Variants in LRCH3 observed in about 807,000 individuals in gnomAD.
LRCH3 encodes leucine rich repeats and calponin homology domain containing 3, also known as DISP complex protein LRCH3.
Under a neutral mutation model 104.5 loss-of-function variants are expected in LRCH3, and 68 were observed. The observed-to-expected ratio is 0.65, with a 90% CI of 0.54 to 0.80. The LOEUF is 0.80. Among genes scored for constraint, LRCH3 ranks in the 30% least tolerant of loss-of-function variants. The pLI, the probability that LRCH3 is intolerant of heterozygous loss-of-function variation, is 0.00. For synonymous variants in LRCH3, 344 were observed against 361.3 expected (o/e 0.95, Z 0.54); for missense variants, 951 against 953.9 (o/e 1.00, Z 0.04).
chr3:197,808,611 T>C (rs116058984), intron 1 of LRCH3, among the ~76,000 whole-genome samples: 1,648 of 152,284 alleles, frequency 0.011, 26 homozygotes, highest in African/African-American at 0.037. Flanking sequence ...GTCTTTCTTT[T>C]AGTGATTGGA....
intron 10 of LRCH3, 93 bp downstream of exon 10, chr3:197,839,490 AT>A: frequency 1.5e-6 from 1 of 680,672 alleles, no homozygotes. Context: ...TGTAATAAAG[AT>A]GTTTACATGG....
chr3:197,836,009 G>T (rs1456727433), intron 9 of LRCH3, among the ~76,000 whole-genome samples, 187 bp downstream of exon 9: 1 of 152,176 alleles, frequency 6.6e-6, no homozygotes, highest in Non-Finnish European at 1.5e-5. Flanking sequence ...CCTCAAGTAG[G>T]CTTTAGGTTT....
chr3:197,808,501 C>G (rs1732752364), intron 1 of LRCH3, among the ~76,000 whole-genome samples: 2 of 152,160 alleles, frequency 1.3e-5, no homozygotes. Flanking sequence ...ACATCTGCTG[C>G]TACAGACTCT....
At chr3:197,807,183 T>C (rs1185459736) in intron 1 of LRCH3, among the ~76,000 whole-genome samples, 1 of 151,994 alleles carries the variant, frequency 6.6e-6, no homozygotes, top group Non-Finnish European at 1.5e-5. Flanking sequence ...ATCCTTCTAC[T>C]TGAAGTGAGT....
rs1252060671 is a variant in LRCH3 at position 197,830,821 on chromosome 3, C to T, written c.939C>T (p.Phe313=). ...SRPYGALDSG[F]NSVDSGDKRW... is the part of the protein sequence containing the mutation. Reference sequence around the variant, plus strand: ...CTTATGGAGCCCTTGATTCAGGCTTCAATAGTGTGGACAGTGGTGATAAGA... The same window carrying T: ...CTTATGGAGCCCTTGATTCAGGCTTTAATAGTGTGGACAGTGGTGATAAGA... Residue 313 remains phenylalanine, a synonymous_variant, in exon 7 of 21, where the codon TTC becomes TTT. Coordinates refer to ENST00000425562, the MANE Select transcript of LRCH3 (RefSeq NM_001365715.1). The T allele has an allele frequency of 6.2e-7, 1 of 1,613,942 alleles. No homozygotes were observed. The highest frequency in any genetic ancestry group is 2.2e-5 in the East Asian group (1 of 44,868).
chr3:197,870,092 A>T (rs1224930975), intron 17 of LRCH3, 68 bp from the exon 18 acceptor site: 9 of 1,525,112 alleles, frequency 5.9e-6, no homozygotes, highest in Non-Finnish European at 8.1e-6. Context: ...AACTGTGATG[A>T]GGCAGAGCCG....
chr3:197,881,292 T>C, intron 20 of LRCH3: 1 of 989,986 alleles, frequency 1.0e-6, no homozygotes. Flanking sequence ...GGTCTGGACG[T>C]TTCAAAGGTA....
intron 1 of LRCH3, among the ~76,000 whole-genome samples, chr3:197,806,792 TC>T (rs1394680433): frequency 6.8e-6 from 1 of 146,792 alleles, no homozygotes; most frequent in Non-Finnish European, 1.5e-5. Flanking sequence ...CCTCAAGTGA[TC>T]CACCCGCCTC....
intron 1 of LRCH3, among the ~76,000 whole-genome samples, chr3:197,808,983 C>T (rs576052093): frequency 1.6e-4 from 25 of 151,776 alleles, no homozygotes; most frequent in East Asian, 1.2e-3. Flanking sequence ...TCAATTGTCT[C>T]TCTCTTACTG....
chr3:197,838,178 G>A (rs780878002), intron 9 of LRCH3, among the ~76,000 whole-genome samples: 2 of 152,230 alleles, frequency 1.3e-5, no homozygotes, highest in African/African-American at 2.4e-5. Context: ...TCAGCCACTC[G>A]GGAGGCTGAA....
intron 8 of LRCH3, among the ~76,000 whole-genome samples, chr3:197,833,912 G>A (rs991547083): frequency 2.0e-5 from 3 of 152,156 alleles, no homozygotes; most frequent in African/African-American, 7.2e-5. Context: ...TTTAAAAAAT[G>A]CATTTATGTA....
chr3:197,845,314 G>C (rs1738491725), intron 10 of LRCH3, among the ~76,000 whole-genome samples: 1 of 151,474 alleles, frequency 6.6e-6, no homozygotes, highest in South Asian at 2.1e-4. Context: ...GGGAAGCTGA[G>C]GTAGGATTGC....
intron 9 of LRCH3, among the ~76,000 whole-genome samples, chr3:197,837,897 T>TA (rs11289326): frequency 4.0e-4 from 59 of 147,962 alleles, no homozygotes; most frequent in African/African-American, 6.9e-4. Context: ...AAATATATAT[T>TA]AAAAAAAAAA....
At chr3:197,872,607 A>C (rs1054736174) in intron 19 of LRCH3, among the ~76,000 whole-genome samples, 1 of 152,162 alleles carries the variant, frequency 6.6e-6, no homozygotes, top group Non-Finnish European at 1.5e-5. Flanking sequence ...CTATAATCCC[A>C]GCGTTTTGGG....
Position 197,854,111 on chromosome 3 carries a change from ATCTC to A in LRCH3, c.1591-276_1591-273del, listed in dbSNP as rs1203598158. 1.3e-5 allele frequency among the ~76,000 whole-genome samples: 2 copies of A among 152,102 alleles called. No individual in the cohort carries two copies. The highest frequency in any genetic ancestry group is 2.9e-5 in the Non-Finnish European group (2 of 67,982). On this transcript the variant is annotated intron_variant, in intron 13 of 20. Coordinates refer to ENST00000425562, the MANE Select transcript of LRCH3 (RefSeq NM_001365715.1). The surrounding 1 kb of genome is among the most constrained non-coding windows in gnomAD (Gnocchi z 4.5). ...CATAGGTTCTTTATGTTATTGTTAC[ATCTC>A]TCTCCAGCTTTCTGTTCCCTCCTTG...
chr3:197,835,017 A>ATG (rs1560558887), intron 8 of LRCH3, among the ~76,000 whole-genome samples: 1 of 151,854 alleles, frequency 6.6e-6, no homozygotes, highest in Non-Finnish European at 1.5e-5. Flanking sequence ...GGTGGTGCAC[A>ATG]CCTGTAATCC....
chr3:197,827,079 A>T, intron 5 of LRCH3, 65 bp downstream of exon 5: 4 of 1,594,476 alleles, frequency 2.5e-6, no homozygotes, highest in Non-Finnish European at 3.4e-6. Context: ...CGGTGGAAGC[A>T]TCTGGTGAAC....
chr3:197,823,515 G>T (rs1359769034), intron 4 of LRCH3: 3 of 151,910 alleles, frequency 2.0e-5, no homozygotes, highest in Non-Finnish European at 2.9e-5. Flanking sequence ...TTGAGATAGG[G>T]TCTCACTCTG....
Position 197,816,831 on chromosome 3 carries a change from C to A in LRCH3, c.408-345C>A, listed in dbSNP as rs552168525. Among the ~76,000 whole-genome samples, 118 of 152,154 alleles carry A rather than the reference C, an allele frequency of 7.8e-4. 1 individual carries two copies. Among genetic ancestry groups the A allele is most frequent in the East Asian group, 2.5e-3 (13 of 5,176 alleles). On this transcript the variant is annotated intron_variant, in intron 2 of 20. Transcript: ENST00000425562. ...TGATATTATCCACCTTTTAAAAAAT[C>A]TTTTCCTACCTAAATGTTACTTTAA...
Sources: gnomAD v4.1 joint callset for allele counts (sites outside exome capture counted in the v4.1 genomes callset) on GRCh38, gnomAD v4.1.1 for gene constraint, Gnocchi (gnomAD v3.1) non-coding constraint, MANE v1.5 for transcripts, NCBI Gene and HGNC (gene_info 2026-07-23, HGNC 2026-07-21) for gene names.